Variants in CPO observed in about 807,000 individuals in gnomAD.
The protein encoded by CPO is carboxypeptidase O.
In CPO, 43 loss-of-function variants were observed where a neutral mutation model predicts 41.2. That is an observed-to-expected ratio of 1.04 (90% CI 0.82 to 1.35). The LOEUF (loss-of-function observed/expected upper bound fraction) is 1.35. CPO is among the 40% of genes most tolerant of loss of function. CPO has a pLI of 0.00. For missense variants in CPO, 408 were observed against 451.7 expected, an observed-to-expected ratio of 0.90 and a Z score of 0.88; for synonymous variants, 178 against 162.7, an observed-to-expected ratio of 1.09 and a Z score of -0.72.
At chr2:206,956,929 T>C (rs1693379411) in intron 3 of CPO, among the ~76,000 whole-genome samples, 1 of 152,164 alleles carries the variant, frequency 6.6e-6, no homozygotes, top group Non-Finnish European at 1.5e-5. Context: ...CCATAGGCAA[T>C]CCAAGTCTAC....
chr2:206,955,130 T>C (rs941774575), intron 2 of CPO, among the ~76,000 whole-genome samples: 2 of 152,258 alleles, frequency 1.3e-5, no homozygotes, highest in Non-Finnish European at 2.9e-5. Context: ...CTGGCATGAT[T>C]GTGTGCCACA....
intron 4 of CPO, 120 bp downstream of exon 4, chr2:206,958,525 A>G: frequency 5.5e-6 from 3 of 546,452 alleles, no homozygotes; most frequent in Middle Eastern, 2.7e-4. Context: ...TACTGTGCTA[A>G]TCCTTCACCT....
chr2:206,950,178 T>G (rs1459420381), intron 2 of CPO, among the ~76,000 whole-genome samples: 1 of 152,210 alleles, frequency 6.6e-6, no homozygotes, highest in East Asian at 1.9e-4. Context: ...TTTAAAATTT[T>G]TATAATCTGT....
At chr2:206,958,564 C>T (rs952495432) in intron 4 of CPO, among the ~76,000 whole-genome samples, 159 bp downstream of exon 4, 5 of 152,084 alleles carry the variant, frequency 3.3e-5, no homozygotes, top group African/African-American at 1.2e-4. Context: ...TGAGGAACTT[C>T]ACTGAAAACT....
chr2:206,967,692 A>C (rs574829694), intron 7 of CPO, among the ~76,000 whole-genome samples: 1 of 152,322 alleles, frequency 6.6e-6, no homozygotes, highest in African/African-American at 2.4e-5. Flanking sequence ...GGGATGACAA[A>C]ATATGGTGTT....
intron 1 of CPO, among the ~76,000 whole-genome samples, chr2:206,947,741 G>A (rs1383047303): frequency 1.3e-5 from 2 of 152,018 alleles, no homozygotes; most frequent in Non-Finnish European, 1.5e-5. Flanking sequence ...ATTGGCAAAA[G>A]ACTTGAACAG....
intron 1 of CPO, among the ~76,000 whole-genome samples, chr2:206,944,633 G>A (rs1025214255): frequency 6.6e-6 from 1 of 151,834 alleles, no homozygotes; most frequent in Non-Finnish European, 1.5e-5. Context: ...TTTTCATTTG[G>A]ACAAGCTAAT....
intron 1 of CPO, among the ~76,000 whole-genome samples, chr2:206,948,708 C>CT (rs1693194511): frequency 6.6e-6 from 1 of 152,128 alleles, no homozygotes; most frequent in Non-Finnish European, 1.5e-5. Flanking sequence ...CTGCAGTGAG[C>CT]TATAATCATA....
chr2:206,955,349 A>G, intron 2 of CPO, 114 bp from the exon 3 acceptor site: 2 of 738,552 alleles, frequency 2.7e-6, no homozygotes, highest in Admixed American at 1.8e-5. Flanking sequence ...AGCTGTTGCA[A>G]TCTAGAGCAA....
Position 206,962,420 on chromosome 2 carries a change from G to A in CPO, c.583G>A (p.Ala195Thr). Reference protein sequence around the residue: ...NFNASWCSIGASRNCQDQTFC... With the variant: ...NFNASWCSIGTSRNCQDQTFC... ...TTTCTTCCATATTCTAGGTATTGGT[G>A]CCTCTAGAAACTGCCAAGATCAAAC... Residue 195 changes from alanine (A) to threonine (T), a missense_variant, in exon 7 of 9, where the codon GCC (alanine) becomes ACC (threonine). Transcript: ENST00000272852. The A allele has an allele frequency of 6.2e-7, 1 of 1,613,850 alleles. No homozygotes were observed. The highest frequency in any genetic ancestry group is 8.5e-7 in the Non-Finnish European group (1 of 1,179,786).
chr2:206,951,851 A>G (rs1287773943), intron 2 of CPO, among the ~76,000 whole-genome samples: 1 of 152,246 alleles, frequency 6.6e-6, no homozygotes, highest in Non-Finnish European at 1.5e-5. Context: ...TAAATAAAGA[A>G]TATTTGTTGC....
chr2:206,952,691 T>C (rs1693287664), intron 2 of CPO, among the ~76,000 whole-genome samples: 1 of 152,160 alleles, frequency 6.6e-6, no homozygotes, highest in African/African-American at 2.4e-5. Context: ...ATTCAGAAAC[T>C]TCTGTTGGCA....
At chr2:206,951,488 C>A (rs1401583341) in intron 2 of CPO, among the ~76,000 whole-genome samples, 1 of 152,168 alleles carries the variant, frequency 6.6e-6, no homozygotes. Flanking sequence ...CTTCAAATGA[C>A]CTTTACCAAT....
intron 2 of CPO, among the ~76,000 whole-genome samples, chr2:206,951,093 G>A (rs545128624): frequency 5.9e-5 from 8 of 135,608 alleles, no homozygotes; most frequent in African/African-American, 2.2e-4. Flanking sequence ...AAAAAAAAGG[G>A]GTGGAACCAA....
intron 6 of CPO, among the ~76,000 whole-genome samples, chr2:206,961,668 G>A (rs1229556366): frequency 6.6e-6 from 1 of 152,060 alleles, no homozygotes; most frequent in Non-Finnish European, 1.5e-5. Flanking sequence ...TTGCTAAATA[G>A]CTCTAATGAG....
chr2:206,939,518 A>G lies in CPO; in HGVS notation c.-82A>G, dbSNP rs1399459177. The G allele has an allele frequency of 2.8e-6, 3 of 1,067,026 alleles. No homozygotes were observed. The highest frequency in any genetic ancestry group is 1.6e-5 in the African/African-American group (1 of 63,492). The allele number at this position is 1,067,026 out of a possible 1,614,324, so 66.1% of individuals were successfully genotyped here. ...TTATCTCATCTTGATTGTGGGAGCC[A>G]CAGTCTTGATGCATTCATTCTCAAG... On this transcript the variant is annotated 5_prime_UTR_variant, in exon 1 of 9. Coordinates refer to ENST00000272852, the MANE Select transcript of CPO (RefSeq NM_173077.3).
At chr2:206,967,348 T>TATATATAG (rs902422722) in intron 7 of CPO, among the ~76,000 whole-genome samples, 2 of 110,240 alleles carry the variant, frequency 1.8e-5, no homozygotes, top group Admixed American at 8.5e-5. Context: ...TATATATATA[T>TATATATAG]ATAGATATAT....
Position 206,949,666 on chromosome 2 carries a change from T to C in CPO, c.118T>C (p.Trp40Arg), listed in dbSNP as rs1423195341. ...QEIVDKSVSP[W>R]SLETYSYNIY... is the part of the protein sequence containing the mutation. ...GATTGTGGACAAGTCAGTGAGTCCA[T>C]GGAGCCTGGAGACGTATTCCTATAA... Residue 40 changes from tryptophan to arginine, a missense_variant, in exon 2 of 9, where the codon TGG (tryptophan) becomes CGG (arginine). By Grantham distance (101) the Trp-to-Arg change is moderately radical (BLOSUM62 -3). Coordinates refer to ENST00000272852, the MANE Select transcript of CPO (RefSeq NM_173077.3). 6.2e-7 allele frequency: 1 copy of C among 1,613,514 alleles called. No individual in the cohort carries two copies. Among genetic ancestry groups the C allele is most frequent in the Admixed American group, 1.7e-5 (1 of 59,988 alleles).
At chr2:206,966,295 A>G (rs17458461) in intron 7 of CPO, among the ~76,000 whole-genome samples, 9,895 of 152,088 alleles carry the variant, frequency 0.065, 378 homozygotes, top group Non-Finnish European at 0.074. Context: ...GGTCTGATGC[A>G]TATATCCCAA....
Sources: allele counts gnomAD v4.1 joint callset (sites outside exome capture counted in the v4.1 genomes callset), GRCh38; gene constraint gnomAD v4.1.1; transcripts MANE v1.5; gene names NCBI Gene and HGNC (gene_info 2026-07-23, HGNC 2026-07-21).